Variants in CNTN4 observed in about 807,000 individuals in gnomAD.
The protein encoded by CNTN4 is contactin-4.
A neutral mutation model predicts 122.5 loss-of-function variants in CNTN4; 77 were observed. The observed-to-expected ratio is 0.63, with a 90% CI of 0.52 to 0.76. CNTN4 has a LOEUF of 0.76. Ranked by LOEUF, CNTN4 falls within the 30% of genes least tolerant of loss-of-function variation. The pLI, the probability that CNTN4 is intolerant of heterozygous loss-of-function variation, is 0.00. For missense variants in CNTN4, 1,256 were observed against 1,259.1 expected (o/e 1.00, Z 0.04); for synonymous variants, 512 against 447.0 (o/e 1.15, Z -1.83).
chr3:2,299,029 T>C (rs2042410508), intron 2 of CNTN4, among the ~76,000 whole-genome samples: 1 of 152,194 alleles, frequency 6.6e-6, no homozygotes, highest in Non-Finnish European at 1.5e-5. Flanking sequence ...GGGGGGTTTT[T>C]AGCTTCTGAC....
intron 8 of CNTN4, among the ~76,000 whole-genome samples, chr3:2,877,371 C>T (rs768555031): frequency 6.6e-6 from 1 of 152,174 alleles, no homozygotes; most frequent in Admixed American, 6.5e-5. Context: ...AGTGCCGTAA[C>T]CTTCATTACT....
chr3:2,147,189 G>A (rs980587500), intron 2 of CNTN4, among the ~76,000 whole-genome samples: 2 of 151,892 alleles, frequency 1.3e-5, no homozygotes, highest in African/African-American at 2.4e-5. Flanking sequence ...TCATTCCATA[G>A]TATTATAGAA....
chr3:2,235,730 G>C (rs1418017120), intron 2 of CNTN4, among the ~76,000 whole-genome samples: 1 of 152,032 alleles, frequency 6.6e-6, no homozygotes, highest in Admixed American at 6.6e-5. Flanking sequence ...AGAGCATCTA[G>C]TATTATGCTT....
intron 7 of CNTN4, among the ~76,000 whole-genome samples, chr3:2,833,557 T>C (rs948804800): frequency 3.3e-5 from 5 of 152,188 alleles, no homozygotes. Flanking sequence ...ATCCTTTTAA[T>C]AGTAAAAACA....
chr3:2,310,754 C>A (rs747814759), intron 2 of CNTN4, among the ~76,000 whole-genome samples: 10 of 152,058 alleles, frequency 6.6e-5, no homozygotes, highest in Non-Finnish European at 1.3e-4. Flanking sequence ...AGGCTTTTAA[C>A]CCTCCACTAC....
At chr3:2,626,337 C>CA (rs1559319808) in intron 4 of CNTN4, among the ~76,000 whole-genome samples, 106 of 151,108 alleles carry the variant, frequency 7.0e-4, no homozygotes, top group African/African-American at 2.5e-3. Flanking sequence ...ACTAAAAATA[C>CA]GAAAAAAAAA....
chr3:2,964,705 T>C (rs13325856), intron 13 of CNTN4, among the ~76,000 whole-genome samples: 10 of 152,196 alleles, frequency 6.6e-5, no homozygotes, highest in African/African-American at 2.4e-4. Context: ...TGTAGCACTT[T>C]GTAGTTTTCA....
chr3:2,122,907 T>G (rs1402887935), intron 2 of CNTN4, among the ~76,000 whole-genome samples: 1 of 152,172 alleles, frequency 6.6e-6, no homozygotes, highest in Non-Finnish European at 1.5e-5. Flanking sequence ...TCTTAATCCT[T>G]TCCAGTTATA....
intron 7 of CNTN4, 68 bp downstream of exon 7, chr3:2,819,649 T>A: frequency 1.7e-6 from 2 of 1,171,042 alleles, no homozygotes; most frequent in African/African-American, 1.5e-5. Flanking sequence ...ATGTTCTCCC[T>A]CCTGACACCA....
intron 23 of CNTN4, among the ~76,000 whole-genome samples, chr3:3,048,857 C>T (rs1295131953): frequency 6.6e-6 from 1 of 152,162 alleles, no homozygotes; most frequent in African/African-American, 2.4e-5. Flanking sequence ...ACAGTCTCAA[C>T]AAGAAGCTGA....
chr3:2,895,163 A>G (rs2094093416), intron 10 of CNTN4, among the ~76,000 whole-genome samples: 2 of 152,150 alleles, frequency 1.3e-5, no homozygotes, highest in Non-Finnish European at 1.5e-5. Context: ...TTTAGGAAAG[A>G]TGAGGTTTCA....
At chr3:2,708,015 G>C (rs1316603569) in intron 4 of CNTN4, among the ~76,000 whole-genome samples, 2 of 152,104 alleles carry the variant, frequency 1.3e-5, no homozygotes, top group African/African-American at 2.4e-5. Flanking sequence ...ATGATTACTT[G>C]TTTTATATAA....
chr3:2,975,856 A>G (rs1242802904), intron 13 of CNTN4, among the ~76,000 whole-genome samples: 1 of 152,192 alleles, frequency 6.6e-6, no homozygotes, highest in Admixed American at 6.5e-5. Context: ...GCTTTAAATA[A>G]TATTACTTTC....
Position 2,842,798 on chromosome 3 carries a change from A to G in CNTN4, c.454+23217A>G, listed in dbSNP as rs2093386882. Among the ~76,000 whole-genome samples, 2 of 151,656 alleles carry G rather than the reference A, an allele frequency of 1.3e-5. 1 individual carries two copies. The highest frequency in any genetic ancestry group is 1.3e-4 in the Admixed American group (2 of 15,238). On this transcript the variant is annotated intron_variant, in intron 7 of 24. Transcript: ENST00000418658. ...TGCTTCTTGTGGCTTTTGGGCTATA[A>G]CTCTCTTGGTACCCCCTTTAAATCC...
intron 6 of CNTN4, among the ~76,000 whole-genome samples, chr3:2,747,400 C>T (rs374034672): frequency 2.6e-4 from 37 of 144,852 alleles, no homozygotes; most frequent in East Asian, 2.4e-3. Context: ...CAGAGCGAGA[C>T]TCCGTCTAAA....
intron 13 of CNTN4, 79 bp downstream of exon 13, chr3:2,925,858 G>A (rs1341459692): frequency 1.6e-6 from 2 of 1,278,950 alleles, no homozygotes; most frequent in South Asian, 1.2e-5. Context: ...CTAAGGGGAA[G>A]GTGGGGTGAC....
rs765161798 is a variant in CNTN4 at position 2,902,986 on chromosome 3, C to G, written c.1188C>G (p.Asn396Lys). The change falls in exon 12 of 25, where the codon AAC becomes AAG. Residue 396 changes from asparagine to lysine, a missense_variant. Coordinates refer to ENST00000418658, the MANE Select transcript of CNTN4 (RefSeq NM_175607.3). The stretch of plus-strand genomic sequence containing the variant: ...ATAAACATGGAGTTATCTTTTCCAA[C>G]GCAGAGCTTAGTGTTATAGGTGAGT... ...AENKHGVIFS[N>K]AELSVIAVGP... is the part of the protein sequence containing the mutation. 6.2e-7 allele frequency: 1 copy of G among 1,613,656 alleles called. No individual in the cohort carries two copies. The highest frequency in any genetic ancestry group is 8.5e-7 in the Non-Finnish European group (1 of 1,179,802).
intron 9 of CNTN4, among the ~76,000 whole-genome samples, chr3:2,883,966 T>G (rs181288178): frequency 3.9e-5 from 6 of 152,352 alleles, no homozygotes; most frequent in Admixed American, 3.3e-4. Flanking sequence ...TTATCTGAAG[T>G]GAGAATTTTG....
At chr3:2,630,718 G>A (rs1292027030) in intron 4 of CNTN4, among the ~76,000 whole-genome samples, 1 of 122,366 alleles carries the variant, frequency 8.2e-6, no homozygotes, top group Non-Finnish European at 1.8e-5. Flanking sequence ...GTGTGTGTGT[G>A]TGTGTGTGTG....
Sources: gnomAD v4.1 joint callset for allele counts (sites outside exome capture counted in the v4.1 genomes callset) on GRCh38, gnomAD v4.1.1 for gene constraint, MANE v1.5 for transcripts, NCBI Gene and HGNC (gene_info 2026-07-23, HGNC 2026-07-21) for gene names.